AVEN: variants seen among roughly 807,000 people sequenced by gnomAD.
AVEN encodes the protein apoptosis and caspase activation inhibitor, also known as cell death regulator Aven.
AVEN carries 41 observed loss-of-function variants against 38.1 expected under a neutral mutation model. That is an observed-to-expected ratio of 1.08 (90% CI 0.84 to 1.40). The LOEUF is 1.40. Ranked by LOEUF, AVEN falls within the 40% of genes most tolerant of loss-of-function variation. The pLI is 0.00. For missense variants in AVEN, 605 were observed against 438.8 expected (o/e 1.38, Z -3.38); for synonymous variants, 206 against 171.8 (o/e 1.20, Z -1.56).
At chr15:33,961,636 A>G (rs559260274) in intron 2 of AVEN, among the ~76,000 whole-genome samples, 1 of 151,404 alleles carries the variant, frequency 6.6e-6, no homozygotes, top group South Asian at 2.1e-4. Flanking sequence ...ACACGGTGAA[A>G]CCCCGTCTCT....
intron 5 of AVEN, 59 bp downstream of exon 5, chr15:33,867,436 G>C: frequency 1.3e-6 from 2 of 1,530,510 alleles, no homozygotes; most frequent in Admixed American, 2.1e-5. Flanking sequence ...ATGCGGGCGG[G>C]GCTGTTCTTG....
chr15:33,889,769 G>C (rs1381722834), intron 2 of AVEN, among the ~76,000 whole-genome samples: 1 of 152,160 alleles, frequency 6.6e-6, no homozygotes, highest in Admixed American at 6.5e-5. Context: ...GAGCAAATAT[G>C]TGCAATCTGA....
chr15:33,863,873 G>A (rs1390389641), downstream of AVEN, among the ~76,000 whole-genome samples: 1 of 152,174 alleles, frequency 6.6e-6, no homozygotes, highest in East Asian at 1.9e-4. Flanking sequence ...TGGCCAAAAT[G>A]CTACCTTGCA....
At chr15:34,044,330 C>G (rs1040793352) in intron 5 of AVEN, among the ~76,000 whole-genome samples, 1 of 152,192 alleles carries the variant, frequency 6.6e-6, no homozygotes, top group African/African-American at 2.4e-5. Flanking sequence ...GGTCAGGTCA[C>G]TGGCCTAATC....
chr15:33,971,256 C>T (rs922568707), intron 2 of AVEN, among the ~76,000 whole-genome samples: 2 of 151,958 alleles, frequency 1.3e-5, no homozygotes, highest in Admixed American at 6.6e-5. Context: ...CTACTTGTTT[C>T]TGCAATTTAG....
intron 2 of AVEN, among the ~76,000 whole-genome samples, chr15:33,962,724 T>C (rs1050807117): frequency 8.5e-5 from 13 of 152,228 alleles, no homozygotes; most frequent in African/African-American, 3.1e-4. Context: ...CATACAATTA[T>C]GATCAAGATC....
intron 2 of AVEN, among the ~76,000 whole-genome samples, chr15:33,933,710 G>A (rs530281821): frequency 2.6e-5 from 4 of 152,308 alleles, no homozygotes; most frequent in Non-Finnish European, 5.9e-5. Flanking sequence ...TATAATCCCA[G>A]CACTTTGGGA....
At chr15:33,878,383 G>A (rs1375709280) in intron 2 of AVEN, among the ~76,000 whole-genome samples, 2 of 152,180 alleles carry the variant, frequency 1.3e-5, no homozygotes, top group South Asian at 2.1e-4. Flanking sequence ...GATATCGTAA[G>A]AGCGGCAGAT....
At chr15:33,869,215 TTTTG>T (rs1478289022) in intron 4 of AVEN, among the ~76,000 whole-genome samples, 10 of 152,222 alleles carry the variant, frequency 6.6e-5, no homozygotes, top group African/African-American at 1.7e-4. Context: ...CTGGCCTTGT[TTTTG>T]TTTGTTTTTA....
At position 33,961,812 on chromosome 15, in the gene AVEN, CAAAAAAAA is replaced by C. The variant is rs138076873; in HGVS notation, c.445+41212_445+41219del. Among the ~76,000 whole-genome samples, 18 of 71,964 alleles carry C rather than the reference CAAAAAAAA, an allele frequency of 2.5e-4. No individual in the cohort carries two copies. The South Asian group carries it at 8.8e-3, about 35-fold the overall frequency. The allele number at this position is 71,964 out of a possible 152,430, so 47.2% of individuals were successfully genotyped here. The stretch of plus-strand genomic sequence containing the variant: ...TGGGCGACAGAGTGAGACTCTGTCT[CAAAAAAAA>C]AAAAAAAAAAAAAAAAAAGAAAACG... On this transcript the variant is annotated intron_variant, in intron 2 of 5. Transcript: ENST00000306730.
chr15:34,039,921 A>T (rs532803036), upstream of AVEN, among the ~76,000 whole-genome samples: 1 of 152,318 alleles, frequency 6.6e-6, no homozygotes, highest in African/African-American at 2.4e-5. Flanking sequence ...TCTTTCAACC[A>T]AGGAGAAAAC....
chr15:33,946,980 G>A (rs149925069), intron 2 of AVEN, among the ~76,000 whole-genome samples: 1 of 152,278 alleles, frequency 6.6e-6, no homozygotes, highest in Non-Finnish European at 1.5e-5. Flanking sequence ...GGTATGAGGT[G>A]TGGCTGGTTG....
chr15:33,965,599 C>T (rs575619501), intron 2 of AVEN, among the ~76,000 whole-genome samples: 1 of 152,194 alleles, frequency 6.6e-6, no homozygotes, highest in Non-Finnish European at 1.5e-5. Context: ...GTCTGTGATG[C>T]CTCTGAAGTT....
At chr15:33,942,208 T>C (rs1248041258) in intron 2 of AVEN, among the ~76,000 whole-genome samples, 1 of 152,228 alleles carries the variant, frequency 6.6e-6, no homozygotes, top group Non-Finnish European at 1.5e-5. Context: ...TCTTAGCTCC[T>C]GTTGTCAAAT....
chr15:33,864,120 A>ATCTTT (rs746571115), downstream of AVEN: 1 of 1,597,482 alleles, frequency 6.3e-7, no homozygotes, highest in Admixed American at 1.7e-5. Context: ...ATCTAATACT[A>ATCTTT]TCTTTTCCTC....
At chr15:33,853,535 C>G in the AVEN span, 2 of 1,611,470 alleles carry the variant, frequency 1.2e-6, no homozygotes, top group Non-Finnish European at 1.7e-6. Flanking sequence ...CTGAGCTCAC[C>G]CTGTCATCCT....
Position 33,922,505 on chromosome 15 carries a change from G to A in AVEN, c.446-46510C>T, listed in dbSNP as rs186598053. ...AGTTGGAATGCAATGGCATGATCATGACTCACTGCAGCCTCAACCCCTGGG... is the reference window on the plus strand; with the variant it reads ...AGTTGGAATGCAATGGCATGATCATAACTCACTGCAGCCTCAACCCCTGGG... On this transcript the variant is annotated intron_variant, in intron 2 of 5. Coordinates refer to ENST00000306730, the MANE Select transcript of AVEN (RefSeq NM_020371.3). Among the ~76,000 whole-genome samples the A allele has an allele frequency of 4.0e-4, 61 of 152,208 alleles. No individual in the cohort carries two copies. The East Asian group carries it at 0.011, about 28-fold the overall frequency.
intron 1 of AVEN, among the ~76,000 whole-genome samples, chr15:34,008,975 C>CACACAG (rs1165303065): frequency 1.7e-4 from 25 of 150,106 alleles, no homozygotes; most frequent in African/African-American, 4.9e-4. Flanking sequence ...CACACACACA[C>CACACAG]AGACCATCGA....
Position 34,016,633 on chromosome 15 carries a change from C to G in AVEN, c.268-13424G>C, listed in dbSNP as rs1043486545. ...CAGTCAACAAACTTTTCTCCACTAA[C>G]TAAAGCCAAGTGTCTCTGCCTGCTT... On this transcript the variant is annotated intron_variant, in intron 1 of 5. Transcript: ENST00000306730. Among the ~76,000 whole-genome samples, 8 of 152,332 alleles carry G rather than the reference C, an allele frequency of 5.3e-5. No individual in the cohort carries two copies. The South Asian group carries it at 6.2e-4, about 12-fold the overall frequency.
Sources: gnomAD v4.1 joint callset for allele counts (sites outside exome capture counted in the v4.1 genomes callset) on GRCh38, gnomAD v4.1.1 for gene constraint, MANE v1.5 for transcripts, NCBI Gene and HGNC (gene_info 2026-07-23, HGNC 2026-07-21) for gene names.